Variants in KIZ observed in about 807,000 individuals in gnomAD.
The protein encoded by KIZ is centrosomal protein kizuna.
Under a neutral mutation model 79.6 loss-of-function variants are expected in KIZ, and 68 were observed. The ratio of observed to expected loss-of-function variants is 0.85; its 90% CI spans 0.70 to 1.05. The LOEUF (loss-of-function observed/expected upper bound fraction) is 1.05, where lower values mean the gene tolerates loss of function less well. Ranked by LOEUF, KIZ falls within the 50% of genes least tolerant of loss-of-function variation. KIZ has a pLI of 0.00. For missense variants in KIZ, 797 were observed against 800.4 expected (o/e 1.00, Z 0.05); for synonymous variants, 280 against 281.8 (o/e 0.99, Z 0.06).
At chr20:21,146,191 C>T (rs1473867811) in intron 4 of KIZ, among the ~76,000 whole-genome samples, 3 of 152,134 alleles carry the variant, frequency 2.0e-5, no homozygotes, top group East Asian at 3.8e-4. Flanking sequence ...TGTTCAAGAC[C>T]GTAGATGTTT....
intron 6 of KIZ, chr20:21,197,375 T>A (rs1202762729): frequency 6.6e-6 from 1 of 152,270 alleles, no homozygotes; most frequent in Non-Finnish European, 1.5e-5. Context: ...ATAGTCATTT[T>A]TCTACATTCA....
intron 9 of KIZ, among the ~76,000 whole-genome samples, chr20:21,221,659 A>G (rs1391290584): frequency 6.6e-6 from 1 of 152,152 alleles, no homozygotes; most frequent in African/African-American, 2.4e-5. Flanking sequence ...ATACTAAGAC[A>G]TCCATTTAGA....
chr20:21,131,222 C>T lies in KIZ; in HGVS notation c.90-875C>T, dbSNP rs542406884. Among the ~76,000 whole-genome samples, 401 of 152,290 alleles carry T rather than the reference C, an allele frequency of 2.6e-3. 4 individuals carry two copies. The highest frequency in any genetic ancestry group is 2.2e-3 in the Non-Finnish European group (151 of 68,018). On this transcript the variant is annotated intron_variant, in intron 1 of 12. Transcript: ENST00000619189. ...CTGCTTCCTCTGCTGCCCAGTTCCC[C>T]CTCGTCCTTGCCCAGGCTGGTTGTG...
intron 6 of KIZ, among the ~76,000 whole-genome samples, chr20:21,193,509 A>G (rs2035202201): frequency 6.6e-6 from 1 of 152,050 alleles, no homozygotes; most frequent in Admixed American, 6.6e-5. Context: ...TACTGGGTAT[A>G]TACCCAAAGG....
chr20:21,130,563 A>G (rs2031779884), intron 1 of KIZ, among the ~76,000 whole-genome samples: 1 of 152,198 alleles, frequency 6.6e-6, no homozygotes. Context: ...CACTCTTACT[A>G]GTGAGAAGGT....
At chr20:21,216,425 G>T (rs567554269) in intron 9 of KIZ, among the ~76,000 whole-genome samples, 1 of 152,284 alleles carries the variant, frequency 6.6e-6, no homozygotes, top group African/African-American at 2.4e-5. Context: ...AAGCAGAAAA[G>T]AATGGCTTGC....
At chr20:21,209,467 A>G (rs1476192129) in intron 7 of KIZ, among the ~76,000 whole-genome samples, 5 of 152,166 alleles carry the variant, frequency 3.3e-5, no homozygotes, top group Non-Finnish European at 5.9e-5. Context: ...CCCACCATAC[A>G]CACAGACCAG....
chr20:21,207,722 G>C (rs946625380), intron 7 of KIZ, among the ~76,000 whole-genome samples: 1 of 150,050 alleles, frequency 6.7e-6, no homozygotes, highest in Non-Finnish European at 1.5e-5. Context: ...TTGTTTTTTC[G>C]AGACGGAGTC....
chr20:21,185,462 T>G (rs1439311718), intron 6 of KIZ, among the ~76,000 whole-genome samples: 1 of 148,212 alleles, frequency 6.7e-6, no homozygotes, highest in African/African-American at 2.5e-5. Context: ...CAGGCTGGAA[T>G]GCAGTGGCAT....
intron 7 of KIZ, among the ~76,000 whole-genome samples, chr20:21,208,070 A>G (rs1600543456): frequency 1.3e-5 from 2 of 152,184 alleles, no homozygotes; most frequent in South Asian, 4.1e-4. Context: ...CCTTTGAGTT[A>G]GCACTGTCTT....
At chr20:21,166,378 C>T (rs2033939167) in intron 6 of KIZ, 2 of 1,600,824 alleles carry the variant, frequency 1.2e-6, no homozygotes, top group Non-Finnish European at 8.5e-7. Context: ...GAGCTGATCA[C>T]TCCACACTTG....
intron 7 of KIZ, among the ~76,000 whole-genome samples, chr20:21,206,168 G>A (rs776429778): frequency 1.1e-4 from 17 of 152,044 alleles, no homozygotes; most frequent in Admixed American, 4.6e-4. Flanking sequence ...TCTCCACTCC[G>A]TACTTTAGAA....
intron 9 of KIZ, among the ~76,000 whole-genome samples, chr20:21,221,601 G>A (rs1265532186): frequency 6.6e-6 from 1 of 152,128 alleles, no homozygotes; most frequent in East Asian, 1.9e-4. Context: ...TTGCCTGACT[G>A]TGCCATTCCT....
At chr20:21,142,534 C>T (rs1489812638) in intron 3 of KIZ, among the ~76,000 whole-genome samples, 1 of 152,014 alleles carries the variant, frequency 6.6e-6, no homozygotes, top group Non-Finnish European at 1.5e-5. Flanking sequence ...GTTAGCATTT[C>T]TGTTTAATAG....
At chr20:21,142,586 G>A (rs1724699907) in intron 3 of KIZ, among the ~76,000 whole-genome samples, 1 of 151,920 alleles carries the variant, frequency 6.6e-6, no homozygotes, top group Non-Finnish European at 1.5e-5. Context: ...TTAAAGATGT[G>A]ATTCTCCAGG....
intron 6 of KIZ, among the ~76,000 whole-genome samples, chr20:21,180,238 CTT>C (rs779806726): frequency 1.1e-4 from 15 of 132,726 alleles, no homozygotes; most frequent in East Asian, 2.2e-4. Context: ...CTCTTTGCTC[CTT>C]TTTTTTTTTT....
At chr20:21,128,748 C>T (rs1251810733) in intron 1 of KIZ, among the ~76,000 whole-genome samples, 2 of 152,140 alleles carry the variant, frequency 1.3e-5, no homozygotes, top group Non-Finnish European at 2.9e-5. Context: ...TACGGTTATA[C>T]AAAAACATCC....
At chr20:21,199,984 A>G (rs1445077730) in intron 6 of KIZ, among the ~76,000 whole-genome samples, 1 of 152,004 alleles carries the variant, frequency 6.6e-6, no homozygotes, top group Non-Finnish European at 1.5e-5. Context: ...ACAACCTGCT[A>G]ATTTTTTGTA....
At chr20:21,202,600 T>C (rs1385181127) in intron 6 of KIZ, among the ~76,000 whole-genome samples, 1 of 152,208 alleles carries the variant, frequency 6.6e-6, no homozygotes, top group African/African-American at 2.4e-5. Flanking sequence ...AATTAAGATT[T>C]ATTGAGGAAG....
Sources: gnomAD v4.1 joint callset for allele counts (sites outside exome capture counted in the v4.1 genomes callset) on GRCh38, gnomAD v4.1.1 for gene constraint, MANE v1.5 for transcripts, NCBI Gene and HGNC (gene_info 2026-07-23, HGNC 2026-07-21) for gene names.